Variants in ATRNL1 observed in about 807,000 individuals in gnomAD.
The protein encoded by ATRNL1 is attractin like 1, also known as attractin-like protein 1.
In ATRNL1, 95 loss-of-function variants were observed where a neutral mutation model predicts 182.7. That is an observed-to-expected ratio of 0.52 (90% confidence interval 0.44 to 0.62). ATRNL1 has a LOEUF of 0.62. Ranked by LOEUF, ATRNL1 falls within the 20% of genes least tolerant of loss-of-function variation. The pLI is 0.00. For missense variants in ATRNL1, 1,471 were observed against 1,679.5 expected (o/e 0.88, Z 2.17); for synonymous variants, 576 against 568.3 (o/e 1.01, Z -0.19).
intron 26 of ATRNL1, chr10:115,597,575 T>A (rs1856327030): frequency 2.9e-6 from 1 of 350,394 alleles, no homozygotes; most frequent in Admixed American, 3.9e-5. Flanking sequence ...GAGCTTTTTT[T>A]TTTTTTTTTT....
chr10:115,783,133 T>C (rs1323553505), intron 27 of ATRNL1, among the ~76,000 whole-genome samples: 1 of 152,192 alleles, frequency 6.6e-6, no homozygotes, highest in Non-Finnish European at 1.5e-5. Flanking sequence ...CTAATGGCAC[T>C]GCAGAGGTGA....
intron 28 of ATRNL1, among the ~76,000 whole-genome samples, chr10:115,864,655 G>A (rs1284360866): frequency 1.3e-5 from 2 of 152,098 alleles, no homozygotes; most frequent in African/African-American, 4.8e-5. Context: ...TCACTTCTGT[G>A]GTATTCTTCT....
At chr10:115,749,054 A>G (rs1948372959) in intron 27 of ATRNL1, among the ~76,000 whole-genome samples, 1 of 151,936 alleles carries the variant, frequency 6.6e-6, no homozygotes, top group Non-Finnish European at 1.5e-5. Context: ...TAAATCTCTC[A>G]AGATGAACCA....
intron 21 of ATRNL1, among the ~76,000 whole-genome samples, chr10:115,455,236 AG>A: frequency 6.6e-6 from 1 of 152,238 alleles, no homozygotes; most frequent in Non-Finnish European, 1.5e-5. Context: ...TCAGAGATAA[AG>A]CCTACTTGAT....
intron 27 of ATRNL1, among the ~76,000 whole-genome samples, chr10:115,757,923 C>T (rs139257223): frequency 2.0e-5 from 3 of 151,694 alleles, no homozygotes; most frequent in Middle Eastern, 3.2e-3. Flanking sequence ...TCTTCAGTCT[C>T]TGATATCCTT....
intron 26 of ATRNL1, among the ~76,000 whole-genome samples, chr10:115,615,313 G>A: frequency 6.6e-6 from 1 of 151,970 alleles, no homozygotes; most frequent in East Asian, 1.9e-4. Flanking sequence ...AATTCCCTCA[G>A]TTTTTGCTTG....
At chr10:115,902,496 C>T (rs1952385468) in intron 28 of ATRNL1, among the ~76,000 whole-genome samples, 1 of 152,040 alleles carries the variant, frequency 6.6e-6, no homozygotes, top group East Asian at 1.9e-4. Context: ...CTTGATACAC[C>T]AGAGTGACTT....
chr10:115,121,351 C>A (rs1002776925), intron 2 of ATRNL1, among the ~76,000 whole-genome samples: 41 of 152,322 alleles, frequency 2.7e-4, no homozygotes, highest in African/African-American at 9.1e-4. Flanking sequence ...ACCTCGTGAT[C>A]TGCCTGCTTT....
chr10:115,667,532 G>A (rs1179181086), intron 26 of ATRNL1, among the ~76,000 whole-genome samples: 2 of 152,032 alleles, frequency 1.3e-5, no homozygotes, highest in Non-Finnish European at 1.5e-5. Flanking sequence ...TATTACAGTT[G>A]AATGACACTA....
At chr10:115,381,432 A>ATTTTTTTTTTTTTTTGTTTTTT (rs1857993763) in intron 19 of ATRNL1, among the ~76,000 whole-genome samples, 1 of 68,550 alleles carries the variant, frequency 1.5e-5, no homozygotes, top group Non-Finnish European at 3.0e-5. Context: ...ATACCTGGCA[A>ATTTTTTTTTTTTTTTGTTTTTT]TTTTTTTTTT....
chr10:115,696,743 G>T (rs1023155105), intron 26 of ATRNL1, among the ~76,000 whole-genome samples: 7 of 152,074 alleles, frequency 4.6e-5, no homozygotes, highest in Non-Finnish European at 1.0e-4. Context: ...AACTACTTGA[G>T]ACTGGGTAAT....
chr10:115,663,995 G>A (rs988047294), intron 26 of ATRNL1, among the ~76,000 whole-genome samples: 3 of 152,074 alleles, frequency 2.0e-5, no homozygotes, highest in Non-Finnish European at 4.4e-5. Flanking sequence ...TTTTCCCACA[G>A]CTCCCACTTT....
intron 26 of ATRNL1, among the ~76,000 whole-genome samples, chr10:115,634,601 TCTGTTA>T (rs1555027402): frequency 6.6e-6 from 1 of 152,192 alleles, no homozygotes; most frequent in Non-Finnish European, 1.5e-5. Flanking sequence ...TGGATAATCA[TCTGTTA>T]CTATTTGAAT....
At position 115,423,901 on chromosome 10, in the gene ATRNL1, C is replaced by T. The variant is rs1845759517; in HGVS notation, c.3270-2349C>T. Among the ~76,000 whole-genome samples, 2 of 152,018 alleles carry T rather than the reference C, an allele frequency of 1.3e-5. 1 individual carries two copies. The highest frequency in any genetic ancestry group is 3.9e-4 in the East Asian group (2 of 5,174). On this transcript the variant is annotated intron_variant, in intron 20 of 28. Coordinates refer to ENST00000355044, the MANE Select transcript of ATRNL1 (RefSeq NM_207303.4). ...TTTGTTTTGGAAAACACCTCAAAAG[C>T]ACAGGCAACAAAAGCAAAAATAGAG...
rs536473444 is a variant in ATRNL1 at position 115,254,537 on chromosome 10, C to T, written c.1688-10656C>T. Reference sequence around the variant, plus strand: ...GTTCTTTGTAGATTCTGGATATTAGCCCTTTGTCAGATGGGTAGATTGCAA... The same window carrying T: ...GTTCTTTGTAGATTCTGGATATTAGTCCTTTGTCAGATGGGTAGATTGCAA... On this transcript the variant is annotated intron_variant, in intron 10 of 28. Transcript: ENST00000355044. Among the ~76,000 whole-genome samples, 3 of 152,104 alleles carry T rather than the reference C, an allele frequency of 2.0e-5. No homozygotes were observed. In the East Asian group the frequency reaches 5.8e-4, roughly 29 times the overall value.
intron 9 of ATRNL1, 112 bp from the exon 10 acceptor site, chr10:115,241,459 C>T: frequency 1.8e-6 from 1 of 567,874 alleles, no homozygotes; most frequent in East Asian, 3.0e-5. Context: ...GTTTTTTTCC[C>T]CCACAATTCC....
chr10:115,856,222 A>T (rs1951176896), intron 28 of ATRNL1, among the ~76,000 whole-genome samples: 1 of 151,842 alleles, frequency 6.6e-6, no homozygotes, highest in Admixed American at 6.6e-5. Context: ...TGAGGTCAGA[A>T]TTCAGGACTA....
intron 26 of ATRNL1, among the ~76,000 whole-genome samples, chr10:115,615,167 C>T (rs1857367598): frequency 6.6e-6 from 1 of 151,908 alleles, no homozygotes; most frequent in African/African-American, 2.4e-5. Context: ...TGATTCCTTT[C>T]TCTTTCTCAT....
At chr10:115,510,156 A>G (rs1554982283) in intron 24 of ATRNL1, among the ~76,000 whole-genome samples, 1 of 152,094 alleles carries the variant, frequency 6.6e-6, no homozygotes, top group East Asian at 1.9e-4. Context: ...TGAGTAAATA[A>G]AGTAGTTTCT....
Sources: allele counts gnomAD v4.1 joint callset (sites outside exome capture counted in the v4.1 genomes callset), GRCh38; gene constraint gnomAD v4.1.1; transcripts MANE v1.5; gene names NCBI Gene and HGNC (gene_info 2026-07-23, HGNC 2026-07-21).